The following KCNT2 variants were observed in gnomAD, a reference collection of about 807,000 sequenced individuals.
KCNT2 encodes potassium channel subfamily T member 2.
A neutral mutation model predicts 153.8 loss-of-function variants in KCNT2; 67 were observed. That is an observed-to-expected ratio of 0.44 (90% CI 0.36 to 0.53). KCNT2 has a LOEUF of 0.53. KCNT2 is among the 20% of genes least tolerant of loss of function. The probability of loss-of-function intolerance (pLI) is 0.00; values close to 1 mark genes in which losing one functional copy is unlikely to be tolerated. For missense variants in KCNT2, 975 were observed against 1,354.8 expected (o/e 0.72, Z 4.40); for synonymous variants, 500 against 458.8 (o/e 1.09, Z -1.15).
chr1:196,416,557 A>C (rs776111365), intron 12 of KCNT2, among the ~76,000 whole-genome samples: 1 of 152,058 alleles, frequency 6.6e-6, no homozygotes, highest in Non-Finnish European at 1.5e-5. Flanking sequence ...TCACGGCTAT[A>C]TATGCTACTT....
chr1:196,596,493 ATT>A (rs774830183), intron 1 of KCNT2, among the ~76,000 whole-genome samples: 69 of 152,034 alleles, frequency 4.5e-4, no homozygotes, highest in Non-Finnish European at 8.4e-4. Context: ...GATGTTAAGC[ATT>A]TTTTCATGTT....
At position 196,398,447 on chromosome 1, in the gene KCNT2, T is replaced by G. The variant is rs895267322; in HGVS notation, c.1294+116A>C. 9.0e-6 allele frequency: 5 copies of G among 556,048 alleles called. No individual in the cohort carries two copies. The Admixed American group carries it at 1.1e-4, about 12-fold the overall frequency. 34.4% of individuals were successfully genotyped at this position (556,048 alleles called of 1,614,324 possible). ...AGTAAATTAGTTTTAATAATCATTT[T>G]CAGTTCTTTAGAATCTTGAATACTT... On this transcript the variant is annotated intron_variant, in intron 13 of 27. Transcript: ENST00000294725.
chr1:196,463,775 G>A (rs987168372), intron 8 of KCNT2, among the ~76,000 whole-genome samples: 5 of 151,724 alleles, frequency 3.3e-5, no homozygotes, highest in African/African-American at 1.2e-4. Context: ...GGTGAAATTT[G>A]TCTAGGTGCC....
chr1:196,537,204 A>G (rs922880379), intron 1 of KCNT2, among the ~76,000 whole-genome samples: 3 of 152,182 alleles, frequency 2.0e-5, no homozygotes, highest in Non-Finnish European at 4.4e-5. Flanking sequence ...CAAAATCTAC[A>G]AGAGAATCAG....
Position 196,275,702 on chromosome 1 carries a change from AT to A in KCNT2, c.2910+5157del, listed in dbSNP as rs201610584. 2.5e-4 allele frequency among the ~76,000 whole-genome samples: 38 copies of A among 151,200 alleles called. 1 individual carries two copies. The South Asian group carries it at 3.4e-3, about 13-fold the overall frequency. ...AAAACCTGCATCTGCCTTTAAAAGT[AT>A]TTTTTTTTCCATGAATAAACCAGAA... On this transcript the variant is annotated intron_variant, in intron 25 of 27. Transcript: ENST00000294725.
chr1:196,568,658 G>A (rs1348945679), intron 1 of KCNT2, among the ~76,000 whole-genome samples: 1 of 151,798 alleles, frequency 6.6e-6, no homozygotes, highest in Non-Finnish European at 1.5e-5. Context: ...CGGAGCTCAG[G>A]TGGTAATGCT....
chr1:196,347,151 T>A (rs1005376862), intron 14 of KCNT2, among the ~76,000 whole-genome samples: 1 of 152,216 alleles, frequency 6.6e-6, no homozygotes, highest in Non-Finnish European at 1.5e-5. Context: ...GCTGTTTTAT[T>A]TCCATTCTTG....
chr1:196,260,318 G>A (rs781037317), intron 25 of KCNT2, among the ~76,000 whole-genome samples: 11 of 151,788 alleles, frequency 7.2e-5, no homozygotes, highest in Non-Finnish European at 1.3e-4. Flanking sequence ...GGAGCATAGG[G>A]ATTCACTTCT....
At chr1:196,273,274 T>C (rs1433571602) in intron 25 of KCNT2, among the ~76,000 whole-genome samples, 1 of 151,780 alleles carries the variant, frequency 6.6e-6, no homozygotes, top group Non-Finnish European at 1.5e-5. Context: ...AATGGCAAAT[T>C]CCAGGAAATT....
At chr1:196,442,855 A>G (rs1675363833) in intron 8 of KCNT2, among the ~76,000 whole-genome samples, 1 of 151,788 alleles carries the variant, frequency 6.6e-6, no homozygotes, top group South Asian at 2.1e-4. Context: ...AGTATTAAGT[A>G]TATGGTAACA....
At chr1:196,382,931 GA>G (rs200096513) in intron 13 of KCNT2, among the ~76,000 whole-genome samples, 11 of 149,798 alleles carry the variant, frequency 7.3e-5, no homozygotes, top group African/African-American at 2.2e-4. Context: ...GTCAAGGAGT[GA>G]AAAAAAAAGG....
intron 3 of KCNT2, among the ~76,000 whole-genome samples, chr1:196,485,821 A>T (rs909671316): frequency 1.1e-4 from 16 of 151,974 alleles, no homozygotes; most frequent in Non-Finnish European, 2.1e-4. Context: ...AAAAAAAAGA[A>T]TGTGGGATCT....
intron 19 of KCNT2, among the ~76,000 whole-genome samples, chr1:196,324,531 T>C (rs781069260): frequency 2.0e-5 from 3 of 152,010 alleles, no homozygotes; most frequent in Non-Finnish European, 4.4e-5. Flanking sequence ...GCTTGGCACA[T>C]CTCTCTAAGA....
At chr1:196,301,976 G>A (rs771356943) in intron 22 of KCNT2, among the ~76,000 whole-genome samples, 5 of 152,208 alleles carry the variant, frequency 3.3e-5, no homozygotes, top group African/African-American at 4.8e-5. Context: ...CTGACTTCAC[G>A]TGATCCACCT....
chr1:196,281,173 T>A (rs1226351985), intron 24 of KCNT2, among the ~76,000 whole-genome samples, 185 bp from the exon 25 acceptor site: 1 of 152,186 alleles, frequency 6.6e-6, no homozygotes, highest in Non-Finnish European at 1.5e-5. Flanking sequence ...CTGAAGCATT[T>A]TTCACTTCTT....
chr1:196,293,881 A>C (rs1571936851), intron 22 of KCNT2, among the ~76,000 whole-genome samples: 1 of 137,390 alleles, frequency 7.3e-6, no homozygotes, highest in Non-Finnish European at 1.7e-5. Flanking sequence ...AAACAAAAAA[A>C]CAAAAAACAA....
chr1:196,280,734 C>G (rs1465926672), intron 25 of KCNT2, 126 bp downstream of exon 25: 1 of 898,570 alleles, frequency 1.1e-6, no homozygotes, highest in African/African-American at 1.7e-5. Context: ...AGATTTAACA[C>G]TACGTATTCA....
intron 13 of KCNT2, among the ~76,000 whole-genome samples, chr1:196,391,769 A>G (rs1291056403): frequency 3.3e-5 from 5 of 151,400 alleles, no homozygotes; most frequent in Admixed American, 2.0e-4. Context: ...GGTTATATAT[A>G]CCACATTAAC....
At chr1:196,306,930 G>A (rs899886337) in intron 21 of KCNT2, among the ~76,000 whole-genome samples, 3 of 151,944 alleles carry the variant, frequency 2.0e-5, no homozygotes, top group African/African-American at 4.8e-5. Context: ...AATTGTGGCT[G>A]ACTAAACAAT....
Sources: gnomAD v4.1 joint callset for allele counts (sites outside exome capture counted in the v4.1 genomes callset) on GRCh38, gnomAD v4.1.1 for gene constraint, MANE v1.5 for transcripts, NCBI Gene and HGNC (gene_info 2026-07-23, HGNC 2026-07-21) for gene names.